Variants in INTS14 observed in about 807,000 individuals in gnomAD.
The protein encoded by INTS14 is UPF0464 protein C15orf44.
Under a neutral mutation model 56.9 loss-of-function variants are expected in INTS14, and 27 were observed. The ratio of observed to expected loss-of-function variants is 0.47; its 90% CI spans 0.35 to 0.65. The LOEUF is 0.65. Ranked by LOEUF, INTS14 falls within the 30% of genes least tolerant of loss-of-function variation. The pLI is 0.00. For synonymous variants in INTS14, 207 were observed against 236.2 expected, an observed-to-expected ratio of 0.88 and a Z score of 1.13; for missense variants, 517 against 632.2, an observed-to-expected ratio of 0.82 and a Z score of 1.95.
In INTS14 at chr15:65,584,865, C is replaced by T. The variant is rs1344397364; in HGVS notation, c.1144G>A (p.Glu382Lys). ...GGGAATGGACTCTTATTGTCATCCT[C>T]GCCATAAGGGTTTTCTTTAGCATCT... is the stretch of plus-strand genomic sequence containing the variant. ...ISDAKENPYG[E>K]DDNKSPFPLQ... Residue 382 changes from glutamate to lysine, a missense_variant, in exon 10 of 12, where the codon GAG (glutamate) becomes AAG (lysine). Coordinates refer to ENST00000313182, the MANE Select transcript of INTS14 (RefSeq NM_001394796.1). The T allele has an allele frequency of 1.4e-5, 23 of 1,612,734 alleles. No individual in the cohort carries two copies. Among genetic ancestry groups the T allele is most frequent in the Non-Finnish European group, 1.7e-5 (20 of 1,179,492 alleles).
rs554791049 is a variant in INTS14 at position 65,610,948 on chromosome 15, A to C, written c.-63+150T>G. 4.1e-6 allele frequency: 6 copies of C among 1,471,644 alleles called. No individual in the cohort carries two copies. The Admixed American group carries it at 9.9e-5, about 24-fold the overall frequency. 91.2% of individuals were successfully genotyped at this position (1,471,644 alleles called of 1,614,324 possible). On this transcript the variant is annotated intron_variant, in intron 1 of 11. Coordinates refer to ENST00000313182, the MANE Select transcript of INTS14 (RefSeq NM_001394796.1). ...GGGGAGGCCGGGAGCAGCGCCCCGG[A>C]ACTGGCGCCTCACAGACAGCGCGGG...
intron 1 of INTS14, chr15:65,610,602 T>C (rs1252904167): frequency 6.3e-6 from 9 of 1,427,558 alleles, no homozygotes; most frequent in Non-Finnish European, 7.6e-6. Flanking sequence ...TCCCTGAAGG[T>C]GATAATTAGC....
At chr15:65,590,003 A>G (rs2072966603) in intron 9 of INTS14, among the ~76,000 whole-genome samples, 1 of 152,120 alleles carries the variant, frequency 6.6e-6, no homozygotes, top group Admixed American at 6.6e-5. Context: ...ATCTATTTCA[A>G]CTAATAGTAC....
chr15:65,597,779 A>AT (rs2073268141), intron 6 of INTS14, among the ~76,000 whole-genome samples: 1 of 152,208 alleles, frequency 6.6e-6, no homozygotes, highest in Non-Finnish European at 1.5e-5. Context: ...CAGTATGTCT[A>AT]TTAAGAATCA....
At chr15:65,586,093 TATTC>T (rs1349551814) in intron 9 of INTS14, among the ~76,000 whole-genome samples, 3 of 149,986 alleles carry the variant, frequency 2.0e-5, no homozygotes, top group African/African-American at 4.9e-5. Flanking sequence ...CTCATTCACT[TATTC>T]ATTCATTATC....
chr15:65,599,954 G>A (rs758914885), intron 3 of INTS14, 25 bp from the exon 4 acceptor site: 29 of 1,601,580 alleles, frequency 1.8e-5, no homozygotes, highest in Admixed American at 8.7e-5. Context: ...AGAGAGAGGA[G>A]GTTGTACATT....
At chr15:65,594,057 G>C (rs1202365349) in intron 7 of INTS14, among the ~76,000 whole-genome samples, 1 of 152,162 alleles carries the variant, frequency 6.6e-6, no homozygotes, top group African/African-American at 2.4e-5. Flanking sequence ...AGGATGTTTA[G>C]TTAGATGCTA....
intron 1 of INTS14, among the ~76,000 whole-genome samples, chr15:65,610,054 C>G (rs2073828975): frequency 1.3e-5 from 2 of 150,344 alleles, no homozygotes; most frequent in Admixed American, 6.7e-5. Flanking sequence ...GGATAGTTCA[C>G]TCAAGCAGTA....
intron 1 of INTS14, chr15:65,610,764 C>T: frequency 6.5e-7 from 1 of 1,535,698 alleles, no homozygotes; most frequent in Admixed American, 2.0e-5. Flanking sequence ...AAAGTCCAGA[C>T]TGAAAATCAC....
intron 4 of INTS14, among the ~76,000 whole-genome samples, chr15:65,599,226 T>G (rs2073337028): frequency 6.6e-6 from 1 of 152,144 alleles, no homozygotes; most frequent in Non-Finnish European, 1.5e-5. Flanking sequence ...TTTGCAAAGA[T>G]TCTCAGAGGT....
intron 8 of INTS14, 103 bp downstream of exon 8, chr15:65,593,325 G>A: frequency 7.3e-7 from 1 of 1,371,522 alleles, no homozygotes; most frequent in African/African-American, 1.5e-5. Context: ...AAGGAAAAAG[G>A]TGACAAGGAC....
chr15:65,598,322 T>C lies in INTS14; in HGVS notation c.747A>G (p.Thr249=). The C allele has an allele frequency of 1.2e-6, 2 of 1,609,132 alleles. No individual in the cohort carries two copies. Among genetic ancestry groups the C allele is most frequent in the Non-Finnish European group, 8.5e-7 (1 of 1,178,586 alleles). Reference sequence around the variant, plus strand: ...AAATAAGTTTTTTTAAAAAGTTACCTGTGTTAATGACTTTAGGGATAGGAT... The same window carrying C: ...AAATAAGTTTTTTTAAAAAGTTACCCGTGTTAATGACTTTAGGGATAGGAT... The part of the protein sequence containing the change: ...EIDPIPKVIN[T]DLEIVGFIDI... Residue 249 remains threonine, a splice_region_variant and synonymous_variant, in exon 6 of 12, where the codon ACA becomes ACG. Coordinates refer to ENST00000313182, the MANE Select transcript of INTS14 (RefSeq NM_001394796.1).
At chr15:65,592,199 G>C (rs1207275245) in intron 8 of INTS14, among the ~76,000 whole-genome samples, 1 of 152,178 alleles carries the variant, frequency 6.6e-6, no homozygotes, top group Non-Finnish European at 1.5e-5. Flanking sequence ...CTCATATTCA[G>C]ACCAGTACAA....
chr15:65,580,133 A>T (rs2072542728), intron 11 of INTS14, among the ~76,000 whole-genome samples: 1 of 152,144 alleles, frequency 6.6e-6, no homozygotes, highest in Non-Finnish European at 1.5e-5. Flanking sequence ...AAGACCAACA[A>T]AAAGAAAGGC....
chr15:65,579,474 G>T lies in INTS14; in HGVS notation c.1491C>A (p.Ala497=). The T allele has an allele frequency of 6.2e-7, 1 of 1,614,214 alleles. No individual in the cohort carries two copies. Among genetic ancestry groups the T allele is most frequent in the Non-Finnish European group, 8.5e-7 (1 of 1,180,038 alleles). Residue 497 remains alanine, a synonymous_variant, in exon 12 of 12, where the codon GCC becomes GCA. Coordinates refer to ENST00000313182, the MANE Select transcript of INTS14 (RefSeq NM_001394796.1). ...KLASTGTSEY[A]AYDQNITPLH... is the part of the protein sequence containing the mutation. ...AAGGTGTGATGTTCTGGTCATAAGC[G>T]GCATACTCAGAGGTGCCGGTACTGG...
rs561588512 is a variant in INTS14 at position 65,591,882 on chromosome 15, A to T, written c.987-151T>A. On this transcript the variant is annotated intron_variant, in intron 8 of 11. Coordinates refer to ENST00000313182, the MANE Select transcript of INTS14 (RefSeq NM_001394796.1). Reference sequence around the variant, plus strand: ...TTACCAAAGCCAAACCCTAAACCTGAAAATGCATACTGCTGTCCCCTAATA... The same window carrying T: ...TTACCAAAGCCAAACCCTAAACCTGTAAATGCATACTGCTGTCCCCTAATA... 5.6e-6 allele frequency: 4 copies of T among 716,974 alleles called. No individual in the cohort carries two copies. In the Admixed American group the frequency reaches 1.3e-4, roughly 23 times the overall value. The allele number at this position is 716,974 out of a possible 1,614,324, so 44.4% of individuals were successfully genotyped here. A position where few individuals can be genotyped will look rare whatever the true frequency, so the allele number is the denominator to read the frequency against.
chr15:65,580,789 C>G (rs2072575796), intron 11 of INTS14, among the ~76,000 whole-genome samples: 1 of 152,222 alleles, frequency 6.6e-6, no homozygotes, highest in African/African-American at 2.4e-5. Flanking sequence ...AGGGGAGAAT[C>G]AAGGAGCAAA....
intron 4 of INTS14, 141 bp from the exon 5 acceptor site, chr15:65,599,131 TAAC>T (rs988513400): frequency 1.7e-5 from 10 of 601,930 alleles, no homozygotes; most frequent in African/African-American, 7.6e-5. Flanking sequence ...GAGAAGAAAA[TAAC>T]AACAACAATT....
At chr15:65,588,058 C>T (rs963586017) in intron 9 of INTS14, among the ~76,000 whole-genome samples, 3 of 151,758 alleles carry the variant, frequency 2.0e-5, no homozygotes, top group Non-Finnish European at 2.9e-5. Flanking sequence ...GAGGTCAAGG[C>T]GGGAGGATCA....
Sources: gnomAD v4.1 joint callset for allele counts (sites outside exome capture counted in the v4.1 genomes callset) on GRCh38, gnomAD v4.1.1 for gene constraint, MANE v1.5 for transcripts, NCBI Gene and HGNC (gene_info 2026-07-23, HGNC 2026-07-21) for gene names.